Variants in SHROOM2 observed in about 807,000 individuals in gnomAD.
SHROOM2 encodes shroom family member 2.
A neutral mutation model predicts 75.9 loss-of-function variants in SHROOM2; 33 were observed. The ratio of observed to expected loss-of-function variants is 0.43; its 90% CI spans 0.33 to 0.58. The LOEUF (loss-of-function observed/expected upper bound fraction) is 0.58, where lower values mean the gene tolerates loss of function less well. Ranked by LOEUF, SHROOM2 falls within the 20% of genes least tolerant of loss-of-function variation. The pLI is 0.04. For synonymous variants in SHROOM2, 655 were observed against 663.6 expected (o/e 0.99, Z 0.20); for missense variants, 1,434 against 1,461.2 (o/e 0.98, Z 0.30).
At chrX:9,944,376 A>G (rs778717352) in intron 8 of SHROOM2, among the ~76,000 whole-genome samples, 59 of 112,125 alleles carry the variant, frequency 5.3e-4, no homozygotes, top group African/African-American at 1.8e-3. Context: ...CATCGGGGCC[A>G]CAACTCCGAC....
intron 1 of SHROOM2, among the ~76,000 whole-genome samples, chrX:9,837,360 G>A (rs1437132566): frequency 8.9e-6 from 1 of 112,777 alleles, no homozygotes; most frequent in East Asian, 2.8e-4. Flanking sequence ...GCCTCTCTCT[G>A]ACCTCAGGAA....
At chrX:9,936,025 C>T (rs942172950) in intron 6 of SHROOM2, among the ~76,000 whole-genome samples, 38 of 111,436 alleles carry the variant, frequency 3.4e-4, no homozygotes, top group African/African-American at 1.2e-3. Flanking sequence ...ATTGCTGGGC[C>T]TGTTCCTCCT....
At chrX:9,919,914 A>G (rs1174821186) in intron 5 of SHROOM2, among the ~76,000 whole-genome samples, 3 of 110,750 alleles carry the variant, frequency 2.7e-5, no homozygotes, top group Non-Finnish European at 5.7e-5. Flanking sequence ...TCAAATCACT[A>G]CAGCTCATCA....
intron 1 of SHROOM2, among the ~76,000 whole-genome samples, chrX:9,817,224 C>T (rs1020508974): frequency 1.2e-4 from 13 of 109,828 alleles, no homozygotes; most frequent in Non-Finnish European, 1.7e-4. Context: ...CCACCCACCT[C>T]GGCCTCCCAA....
intron 1 of SHROOM2, among the ~76,000 whole-genome samples, chrX:9,872,999 G>A (rs1200296640): frequency 1.8e-5 from 2 of 112,407 alleles, no homozygotes; most frequent in Non-Finnish European, 3.8e-5. Flanking sequence ...AACTTAGAAA[G>A]CATCGTGCTA....
intron 1 of SHROOM2, among the ~76,000 whole-genome samples, chrX:9,868,240 AT>A (rs1419805791): frequency 1.4e-5 from 1 of 69,195 alleles, no homozygotes; most frequent in African/African-American, 4.7e-5. Context: ...TTTTATTTTT[AT>A]TTTATTTATT....
chrX:9,882,704 T>C (rs1375448805), intron 2 of SHROOM2, among the ~76,000 whole-genome samples: 1 of 111,612 alleles, frequency 9.0e-6, no homozygotes, highest in African/African-American at 3.3e-5. Flanking sequence ...CGGGGCACGC[T>C]CTTGCTAGGG....
chrX:9,880,827 CCA>C (rs2084227655), intron 2 of SHROOM2, among the ~76,000 whole-genome samples: 1 of 111,855 alleles, frequency 8.9e-6, no homozygotes, highest in Non-Finnish European at 1.9e-5. Flanking sequence ...TCCCTCCCAC[CCA>C]CACACACTCA....
chrX:9,838,616 AC>A (rs1326018733), intron 1 of SHROOM2, among the ~76,000 whole-genome samples: 2 of 111,913 alleles, frequency 1.8e-5, no homozygotes, highest in Non-Finnish European at 1.9e-5. Context: ...CAAAACTTTT[AC>A]AGCAAGTTCA....
At chrX:9,941,521 T>C (rs1259391427) in intron 8 of SHROOM2, among the ~76,000 whole-genome samples, 2 of 112,229 alleles carry the variant, frequency 1.8e-5, no homozygotes, top group African/African-American at 6.5e-5. Context: ...AATAAAAATT[T>C]GCATATGACA....
chrX:9,891,021 A>G lies in SHROOM2; in HGVS notation c.362A>G (p.Lys121Arg), dbSNP rs2084288392. The change falls in exon 3 of 10, where the codon AAG becomes AGG. Residue 121 changes from lysine (K) to arginine (R), a missense_variant. Physicochemically the swap from Lys to Arg is conservative, Grantham distance 26. Around this residue, in one of 3 missense-constraint regions of SHROOM2, gnomAD observed 1,340 missense variants for 1,338.3 expected, o/e 1.00. Transcript: ENST00000380913. ...AGGCCTCACTCCTGGCATGCCACCA[A>G]GTTCTCTGACAGCCACCCCGAGCTA... Reference protein sequence around the residue: ...GWRPHSWHATKFSDSHPELAA... With the variant: ...GWRPHSWHATRFSDSHPELAA... The G allele has an allele frequency of 2.5e-6, 3 of 1,203,770 alleles. No homozygotes were observed. Among genetic ancestry groups the G allele is most frequent in the Non-Finnish European group, 3.4e-6 (3 of 892,124 alleles).
intron 5 of SHROOM2, among the ~76,000 whole-genome samples, chrX:9,901,857 A>C (rs1242595471): frequency 9.0e-6 from 1 of 111,357 alleles, no homozygotes; most frequent in Admixed American, 9.6e-5. Context: ...ATTTCTCAGT[A>C]CCCCGTACCT....
chrX:9,800,588 G>A (rs963699080), intron 1 of SHROOM2, among the ~76,000 whole-genome samples: 3 of 108,694 alleles, frequency 2.8e-5, no homozygotes, highest in Non-Finnish European at 3.8e-5. Context: ...TGATCCACCC[G>A]CCTCAGCCTC....
chrX:9,840,349 G>A (rs766117937), intron 1 of SHROOM2, among the ~76,000 whole-genome samples: 4 of 111,358 alleles, frequency 3.6e-5, no homozygotes, highest in Non-Finnish European at 5.7e-5. Context: ...GCATGATCAT[G>A]GCTCACCTCC....
intron 6 of SHROOM2, among the ~76,000 whole-genome samples, chrX:9,936,401 C>G (rs1170702011): frequency 9.0e-6 from 1 of 111,361 alleles, no homozygotes; most frequent in South Asian, 3.8e-4. Context: ...CATGACCCAC[C>G]ACATCTGGCT....
intron 1 of SHROOM2, among the ~76,000 whole-genome samples, chrX:9,806,343 AAT>A (rs1336346945): frequency 9.1e-6 from 1 of 110,258 alleles, no homozygotes; most frequent in Non-Finnish European, 1.9e-5. Context: ...GGTCCCCAAA[AAT>A]GTTTCGAGAT....
rs151308160 is a variant in SHROOM2, at chrX:9,814,915, A to T, written c.165+28205A>T. On this transcript the variant is annotated intron_variant, in intron 1 of 9. Transcript: ENST00000380913. Reference sequence around the variant, plus strand: ...GGTCAGCCCCTCGCATGATAAGAGCATGTGTCTGTTTTTCCACAATTTCAG... The same window carrying T: ...GGTCAGCCCCTCGCATGATAAGAGCTTGTGTCTGTTTTTCCACAATTTCAG... 4.6e-3 allele frequency among the ~76,000 whole-genome samples: 513 copies of T among 111,534 alleles called. 1 individual carries two copies. The highest frequency in any genetic ancestry group is 0.042 in the Middle Eastern group (9 of 216).
chrX:9,906,812 A>G (rs1482943068), intron 5 of SHROOM2, among the ~76,000 whole-genome samples: 1 of 112,596 alleles, frequency 8.9e-6, no homozygotes, highest in Non-Finnish European at 1.9e-5. Context: ...AAATAAATAA[A>G]TAAAATGGGT....
chrX:9,832,722 G>A (rs1019747364), intron 1 of SHROOM2, among the ~76,000 whole-genome samples: 2 of 95,587 alleles, frequency 2.1e-5, no homozygotes, highest in African/African-American at 7.6e-5. Flanking sequence ...GAACACTAAC[G>A]TGTGTGCAGG....
Sources: gnomAD v4.1 joint callset for allele counts (sites outside exome capture counted in the v4.1 genomes callset) on GRCh38, gnomAD v4.1.1 for gene constraint, gnomAD v4.1.1 regional missense constraint, MANE v1.5 for transcripts, NCBI Gene and HGNC (gene_info 2026-07-23, HGNC 2026-07-21) for gene names.